Variants in ARID2 observed in about 807,000 individuals in gnomAD.
The protein encoded by ARID2 is AT-rich interaction domain 2, also known as AT-rich interactive domain-containing protein 2.
A neutral mutation model predicts 184.6 loss-of-function variants in ARID2; 32 were observed. The observed-to-expected ratio is 0.17, with a 90% CI of 0.13 to 0.23. The LOEUF (loss-of-function observed/expected upper bound fraction) is 0.23, where lower values mean the gene tolerates loss of function less well. Among genes scored for constraint, ARID2 ranks in the 10% least tolerant of loss-of-function variants. The pLI, the probability that ARID2 is intolerant of heterozygous loss-of-function variation, is 1.00. For missense variants in ARID2, 1,696 were observed against 2,197.6 expected (o/e 0.77, Z 4.56); for synonymous variants, 836 against 772.6 (o/e 1.08, Z -1.36).
chr12:45,743,855 T>C (rs190264899), intron 3 of ARID2, among the ~76,000 whole-genome samples: 15 of 152,292 alleles, frequency 9.8e-5, no homozygotes, highest in Admixed American at 7.8e-4. Context: ...CTTAGGGATA[T>C]TGTTATTGTT....
intron 3 of ARID2, among the ~76,000 whole-genome samples, chr12:45,790,073 T>C (rs996417292): frequency 2.6e-5 from 4 of 152,220 alleles, no homozygotes; most frequent in Admixed American, 2.0e-4. Flanking sequence ...CCTTCCTCTA[T>C]ACTTATAACT....
At chr12:45,828,171 C>T (rs2138109806) in intron 6 of ARID2, among the ~76,000 whole-genome samples, 1 of 152,076 alleles carries the variant, frequency 6.6e-6, no homozygotes, top group South Asian at 2.1e-4. Context: ...CTATTCATTC[C>T]CCCTTTCAGT....
chr12:45,802,439 T>A (rs1016802853), intron 3 of ARID2, among the ~76,000 whole-genome samples: 5 of 152,190 alleles, frequency 3.3e-5, no homozygotes, highest in African/African-American at 1.2e-4. Context: ...AAATACTTTT[T>A]AAAAAACACC....
chr12:45,832,471 G>GT (rs1413733307), intron 6 of ARID2, among the ~76,000 whole-genome samples: 13 of 151,472 alleles, frequency 8.6e-5, no homozygotes, highest in Non-Finnish European at 1.5e-4. Context: ...TTCCCCTCTT[G>GT]TTTTTTTTGT....
intron 3 of ARID2, among the ~76,000 whole-genome samples, chr12:45,748,313 C>A (rs1941396766): frequency 6.6e-6 from 1 of 152,106 alleles, no homozygotes; most frequent in Non-Finnish European, 1.5e-5. Flanking sequence ...ATTGCTTGAG[C>A]CTGGGAGGTT....
chr12:45,733,362 CAA>C (rs1250534742), intron 3 of ARID2, among the ~76,000 whole-genome samples: 1 of 152,126 alleles, frequency 6.6e-6, no homozygotes, highest in Non-Finnish European at 1.5e-5. Flanking sequence ...AATTGGCAGA[CAA>C]GATGCCAAGT....
chr12:45,844,790 A>G (rs1248717861), intron 11 of ARID2, among the ~76,000 whole-genome samples: 1 of 152,176 alleles, frequency 6.6e-6, no homozygotes, highest in Non-Finnish European at 1.5e-5. Flanking sequence ...TCATAGTTAC[A>G]CAGCTAGCTA....
intron 16 of ARID2, among the ~76,000 whole-genome samples, chr12:45,875,072 G>A (rs545208188): frequency 3.6e-4 from 55 of 152,290 alleles, no homozygotes; most frequent in Middle Eastern, 3.4e-3. Context: ...GCAGTGAGCG[G>A]AGATGTACCA....
intron 3 of ARID2, among the ~76,000 whole-genome samples, chr12:45,797,225 T>C (rs1175110019): frequency 5.3e-5 from 8 of 152,124 alleles, no homozygotes; most frequent in African/African-American, 1.9e-4. Flanking sequence ...TTAAATTTTA[T>C]TTTATTTTTA....
chr12:45,733,741 A>G (rs1305650243), intron 3 of ARID2, among the ~76,000 whole-genome samples: 3 of 152,232 alleles, frequency 2.0e-5, no homozygotes, highest in African/African-American at 4.8e-5. Context: ...TATGCTGGCC[A>G]TGTATATTTT....
rs1469123015 is a variant in ARID2, at chr12:45,734,190, G to A, written c.284+2876G>A. Among the ~76,000 whole-genome samples, 3 of 152,098 alleles carry A rather than the reference G, an allele frequency of 2.0e-5. No homozygotes were observed. The East Asian group carries it at 5.8e-4, about 29-fold the overall frequency. On this transcript the variant is annotated intron_variant, in intron 3 of 20. Coordinates refer to ENST00000334344, the MANE Select transcript of ARID2 (RefSeq NM_152641.4). Reference sequence around the variant, plus strand: ...TTGAGACCAGCCTGGCCAACATGGTGAAACCCCGTGTCTACCAAAAATAGA... The same window carrying A: ...TTGAGACCAGCCTGGCCAACATGGTAAAACCCCGTGTCTACCAAAAATAGA...
intron 3 of ARID2, among the ~76,000 whole-genome samples, chr12:45,783,249 G>T (rs1438150952): frequency 1.3e-5 from 2 of 152,118 alleles, no homozygotes; most frequent in Non-Finnish European, 2.9e-5. Context: ...TTATGTCAAA[G>T]TTTAATCTAG....
chr12:45,873,510 G>C (rs984066047), intron 16 of ARID2, among the ~76,000 whole-genome samples: 1 of 151,904 alleles, frequency 6.6e-6, no homozygotes, highest in African/African-American at 2.4e-5. Context: ...TTTTTCATTT[G>C]TGGTTATTTT....
intron 3 of ARID2, among the ~76,000 whole-genome samples, chr12:45,777,949 T>TA (rs1565592386): frequency 6.6e-6 from 1 of 152,046 alleles, no homozygotes; most frequent in South Asian, 2.1e-4. Context: ...CTCACGCCTG[T>TA]AATCCCAGCA....
intron 16 of ARID2, among the ~76,000 whole-genome samples, chr12:45,866,814 C>T (rs1592130895): frequency 6.6e-6 from 1 of 152,172 alleles, no homozygotes; most frequent in Non-Finnish European, 1.5e-5. Context: ...TTTGTTATAA[C>T]TGGTTAACCT....
intron 3 of ARID2, among the ~76,000 whole-genome samples, chr12:45,782,707 A>G (rs945872002): frequency 7.2e-5 from 11 of 152,146 alleles, no homozygotes; most frequent in African/African-American, 2.7e-4. Flanking sequence ...TGGCAGAACT[A>G]GGACTTGAAC....
intron 3 of ARID2, among the ~76,000 whole-genome samples, chr12:45,755,526 T>G (rs1406054253): frequency 6.6e-6 from 1 of 152,254 alleles, no homozygotes; most frequent in Non-Finnish European, 1.5e-5. Flanking sequence ...GTCATTGAAC[T>G]GTTGATTTAC....
Position 45,851,388 on chromosome 12 carries a change from A to C in ARID2, c.3265A>C (p.Asn1089His). 1 of 1,614,060 alleles carries C rather than the reference A, an allele frequency of 6.2e-7. No homozygotes were observed. The highest frequency in any genetic ancestry group is 1.7e-4 in the Middle Eastern group (1 of 6,060). The part of the protein sequence containing the change: ...LPAPQIPPPN[N>H]ARAPSPQVVY... Reference sequence around the variant, plus strand: ...AGCTCCACAGATTCCTCCCCCTAATAATGCAAGAGCTCCTAGCCCTCAGGT... The same window carrying C: ...AGCTCCACAGATTCCTCCCCCTAATCATGCAAGAGCTCCTAGCCCTCAGGT... Residue 1089 changes from asparagine to histidine, a missense_variant, in exon 15 of 21, where the codon AAT (asparagine) becomes CAT (histidine). By Grantham distance (68) the Asn-to-His change is moderately conservative (BLOSUM62 1). Coordinates refer to ENST00000334344, the MANE Select transcript of ARID2 (RefSeq NM_152641.4).
At chr12:45,839,250 T>C in intron 10 of ARID2, 79 bp from the exon 11 acceptor site, 1 of 1,266,454 alleles carries the variant, frequency 7.9e-7, no homozygotes. Flanking sequence ...ATAAGTATTC[T>C]GTACAACATG....
Sources: allele counts gnomAD v4.1 joint callset (sites outside exome capture counted in the v4.1 genomes callset), GRCh38; gene constraint gnomAD v4.1.1; transcripts MANE v1.5; gene names NCBI Gene and HGNC (gene_info 2026-07-23, HGNC 2026-07-21).